IQCH: variants seen among roughly 807,000 people sequenced by gnomAD.
IQCH encodes IQ domain-containing protein H.
In IQCH, 98 loss-of-function variants were observed where a neutral mutation model predicts 117.0. The ratio of observed to expected loss-of-function variants is 0.84; its 90% CI spans 0.71 to 0.99. IQCH has a LOEUF of 0.99. Among genes scored for constraint, IQCH ranks in the 50% least tolerant of loss-of-function variants. The pLI is 0.00. For missense variants in IQCH, 1,102 were observed against 1,243.8 expected, an observed-to-expected ratio of 0.89 and a Z score of 1.72; for synonymous variants, 412 against 448.2, an observed-to-expected ratio of 0.92 and a Z score of 1.02.
At position 67,490,757 on chromosome 15, in the gene IQCH, G is replaced by A. The variant is rs139478217; in HGVS notation, c.2861+693G>A. On this transcript the variant is annotated intron_variant, in intron 19 of 20. Coordinates refer to ENST00000335894, the MANE Select transcript of IQCH (RefSeq NM_001031715.3). The surrounding 1 kb of genome is among the most constrained non-coding windows in gnomAD (Gnocchi z 4.9). ...GACTTCACACGATGTCCCCCTAACA[G>A]GCAGGATCTGTAGCTCCTCCTCAGA... 0.013 allele frequency among the ~76,000 whole-genome samples: 2,041 copies of A among 152,264 alleles called. 25 individuals carry two copies. Among genetic ancestry groups the A allele is most frequent in the Non-Finnish European group, 0.019 (1,298 of 68,018 alleles).
At chr15:67,332,690 G>A (rs1280290077) in intron 4 of IQCH, among the ~76,000 whole-genome samples, 1 of 152,146 alleles carries the variant, frequency 6.6e-6, no homozygotes, top group Non-Finnish European at 1.5e-5. Context: ...AATCAAGATT[G>A]GGGAGGTGAG....
chr15:67,285,650 A>G (rs905297221), intron 4 of IQCH, among the ~76,000 whole-genome samples: 2 of 152,166 alleles, frequency 1.3e-5, no homozygotes, highest in African/African-American at 4.8e-5. Context: ...GAAGGGGTCC[A>G]GTTTCAGTCT....
Position 67,393,762 on chromosome 15 carries a change from G to T in IQCH, c.1633-1529G>T, listed in dbSNP as rs1382561002. 6.6e-6 allele frequency among the ~76,000 whole-genome samples: 1 copy of T among 152,090 alleles called. No homozygotes were observed. The highest frequency in any genetic ancestry group is 1.5e-5 in the Non-Finnish European group (1 of 68,018). On this transcript the variant is annotated intron_variant, in intron 12 of 20. Transcript: ENST00000335894. The surrounding 1 kb of genome is among the most constrained non-coding windows in gnomAD (Gnocchi z 5.5). ...AGTCCTGGGCTCAAGTGATCTGCCT[G>T]CCATGGCCTCCCCTAAAGTACTGGG... is the stretch of plus-strand genomic sequence containing the variant.
Position 67,491,890 on chromosome 15 carries a change from C to T in IQCH, c.2861+1826C>T. ...CTGGGGAAACAACAATGAGCCCTGC[C>T]CTCAGGAAGCTGCCACTCTAGAGGG... On this transcript the variant is annotated intron_variant, in intron 19 of 20. Coordinates refer to ENST00000335894, the MANE Select transcript of IQCH (RefSeq NM_001031715.3). The surrounding 1 kb of genome is among the most constrained non-coding windows in gnomAD (Gnocchi z 4.9). 6.6e-6 allele frequency among the ~76,000 whole-genome samples: 1 copy of T among 151,998 alleles called. No homozygotes were observed. The highest frequency in any genetic ancestry group is 1.5e-5 in the Non-Finnish European group (1 of 68,008).
In IQCH at chr15:67,476,733, T is replaced by C. The variant is rs1250926836; in HGVS notation, c.2799+915T>C. Among the ~76,000 whole-genome samples the C allele has an allele frequency of 6.6e-6, 1 of 152,174 alleles. No individual in the cohort carries two copies. The highest frequency in any genetic ancestry group is 3.2e-3 in the Middle Eastern group (1 of 316). ...CTCATGTTACTCCAGAAAAATAGTT[T>C]CATGTTTTTCTACTTTGATTCAGAT... On this transcript the variant is annotated intron_variant, in intron 18 of 20. Coordinates refer to ENST00000335894, the MANE Select transcript of IQCH (RefSeq NM_001031715.3). This position sits in a 1 kb window ranked among gnomAD's most constrained non-coding sequence, Gnocchi z 4.1.
intron 17 of IQCH, among the ~76,000 whole-genome samples, chr15:67,470,370 G>C (rs1362322285): frequency 6.6e-6 from 1 of 152,106 alleles, no homozygotes; most frequent in Non-Finnish European, 1.5e-5. Context: ...AGTAGAGACG[G>C]GGTTTCACCA....
chr15:67,286,329 T>C (rs1328428325), intron 4 of IQCH, among the ~76,000 whole-genome samples: 1 of 152,188 alleles, frequency 6.6e-6, no homozygotes, highest in Non-Finnish European at 1.5e-5. Context: ...AATAGTTTTT[T>C]GGTGGAGTCT....
chr15:67,332,055 A>G (rs1004309518), intron 4 of IQCH, among the ~76,000 whole-genome samples: 12 of 152,310 alleles, frequency 7.9e-5, no homozygotes, highest in Middle Eastern at 3.4e-3. Context: ...TATGAAAGAT[A>G]AGGATGAGCC....
chr15:67,328,197 T>C (rs1180962886), intron 4 of IQCH, among the ~76,000 whole-genome samples: 1 of 152,150 alleles, frequency 6.6e-6, no homozygotes, highest in Non-Finnish European at 1.5e-5. Context: ...TTGTTATTAT[T>C]GTCTTCAGGA....
At position 67,430,755 on chromosome 15, in the gene IQCH, A is replaced by G. The variant is rs1414940531; in HGVS notation, c.2505+9178A>G. 6.6e-6 allele frequency among the ~76,000 whole-genome samples: 1 copy of G among 152,214 alleles called. No individual in the cohort carries two copies. The highest frequency in any genetic ancestry group is 1.5e-5 in the Non-Finnish European group (1 of 68,036). Reference sequence around the variant, plus strand: ...AGTGTTTATTGAGCATCTATTATGTATAAGCCATAATGCTAGGTGCTAGAG... The same window carrying G: ...AGTGTTTATTGAGCATCTATTATGTGTAAGCCATAATGCTAGGTGCTAGAG... On this transcript the variant is annotated intron_variant, in intron 16 of 20. Transcript: ENST00000335894. This position sits in a 1 kb window ranked among gnomAD's most constrained non-coding sequence, Gnocchi z 5.1.
chr15:67,439,884 G>A (rs531975918), intron 16 of IQCH, among the ~76,000 whole-genome samples: 14 of 110,150 alleles, frequency 1.3e-4, no homozygotes, highest in East Asian at 7.3e-4. Context: ...GCAAAACTCC[G>A]TCTCAAAAAA....
At chr15:67,284,651 CCTCT>C (rs1966492616) in intron 4 of IQCH, among the ~76,000 whole-genome samples, 1 of 152,108 alleles carries the variant, frequency 6.6e-6, no homozygotes, top group African/African-American at 2.4e-5. Flanking sequence ...GTGTGTTGTT[CCTCT>C]CTATGTGTCC....
chr15:67,446,702 C>T (rs890386014), intron 16 of IQCH, among the ~76,000 whole-genome samples: 2 of 151,876 alleles, frequency 1.3e-5, no homozygotes, highest in African/African-American at 4.8e-5. Context: ...GCTCCACCCA[C>T]GTTTCTGGAA....
At chr15:67,293,966 A>C (rs1966838883) in intron 4 of IQCH, among the ~76,000 whole-genome samples, 1 of 152,222 alleles carries the variant, frequency 6.6e-6, no homozygotes, top group South Asian at 2.1e-4. Flanking sequence ...GGAGGCTTTC[A>C]CCAGAGAATA....
intron 20 of IQCH, among the ~76,000 whole-genome samples, chr15:67,498,081 G>T (rs2083872893): frequency 6.6e-6 from 1 of 152,156 alleles, no homozygotes; most frequent in Admixed American, 6.5e-5. Flanking sequence ...AGTTGGAGAA[G>T]TCACACTTCT....
intron 6 of IQCH, among the ~76,000 whole-genome samples, chr15:67,355,463 A>C (rs1969852711): frequency 6.6e-6 from 1 of 151,978 alleles, no homozygotes; most frequent in Non-Finnish European, 1.5e-5. Flanking sequence ...GGTGGTGGGC[A>C]CCTGTAGTCT....
Position 67,472,414 on chromosome 15 carries a change from AG to A in IQCH, c.2677-3280del, listed in dbSNP as rs562632115. Among the ~76,000 whole-genome samples, 230 of 152,314 alleles carry A rather than the reference AG, an allele frequency of 1.5e-3. No homozygotes were observed. Among genetic ancestry groups the A allele is most frequent in the Non-Finnish European group, 1.3e-3 (87 of 68,024 alleles). ...CAAAAAGGCCTGAATATTTCTGAATAGGAGGATGACACAGACCAACCTGTGT... is the reference window on the plus strand; with the variant it reads ...CAAAAAGGCCTGAATATTTCTGAATAGAGGATGACACAGACCAACCTGTGT... On this transcript the variant is annotated intron_variant, in intron 17 of 20. Transcript: ENST00000335894. The surrounding 1 kb of genome is among the most constrained non-coding windows in gnomAD (Gnocchi z 4.3).
chr15:67,400,355 G>C, intron 14 of IQCH, 50 bp downstream of exon 14: 1 of 1,405,278 alleles, frequency 7.1e-7, no homozygotes, highest in East Asian at 2.3e-5. Flanking sequence ...AACAGTTAGG[G>C]GACGAAGCAA....
At chr15:67,272,496 G>C (rs1164745447) in intron 3 of IQCH, among the ~76,000 whole-genome samples, 2 of 152,192 alleles carry the variant, frequency 1.3e-5, no homozygotes, top group Non-Finnish European at 2.9e-5. Context: ...CTGACTGGAT[G>C]ATCTGTCCCT....
Sources: allele counts gnomAD v4.1 joint callset (sites outside exome capture counted in the v4.1 genomes callset), GRCh38; gene constraint gnomAD v4.1.1; non-coding constraint Gnocchi (gnomAD v3.1); transcripts MANE v1.5; gene names NCBI Gene and HGNC (gene_info 2026-07-23, HGNC 2026-07-21).